Variants in TMEM144 observed in about 807,000 individuals in gnomAD.
TMEM144 encodes transmembrane protein 144.
In TMEM144, 39 loss-of-function variants were observed where a neutral mutation model predicts 43.6. The observed-to-expected ratio is 0.90, with a 90% confidence interval of 0.69 to 1.17. The LOEUF is 1.17. Among genes scored for constraint, TMEM144 ranks in the 50% most tolerant of loss-of-function variants. The probability of loss-of-function intolerance (pLI) is 0.00; values close to 1 mark genes in which losing one functional copy is unlikely to be tolerated. For synonymous variants in TMEM144, 154 were observed against 133.6 expected, an observed-to-expected ratio of 1.15 and a Z score of -1.06; for missense variants, 417 against 411.9, an observed-to-expected ratio of 1.01 and a Z score of -0.11.
chr4:158,210,546 C>CG lies in TMEM144; in HGVS notation c.-222dup, dbSNP rs1340061899. 6.6e-6 allele frequency: 1 copy of CG among 152,276 alleles called. No homozygotes were observed. The highest frequency in any genetic ancestry group is 1.5e-5 in the Non-Finnish European group (1 of 68,096). The allele number at this position is 152,276 out of a possible 1,614,324, so 9.4% of individuals were successfully genotyped here. A position where few individuals can be genotyped will look rare whatever the true frequency, so the allele number is the denominator to read the frequency against. ...GCACGTAGTGGGCGGATCGCGCCGG[C>CG]GCTGAGTAGGAAGGAGCTTCAGCCG... On this transcript the variant is annotated 5_prime_UTR_variant, in exon 1 of 13. It removes the in-frame stop codon of an upstream open reading frame in the 5' UTR. Transcript: ENST00000296529.
At chr4:158,216,964 C>T (rs145928064) in intron 4 of TMEM144, among the ~76,000 whole-genome samples, 330 of 152,184 alleles carry the variant, frequency 2.2e-3, no homozygotes, top group African/African-American at 7.5e-3. Context: ...GTACTTCTGC[C>T]AGTATTTGGC....
chr4:158,223,977 G>A (rs889712578), intron 6 of TMEM144, among the ~76,000 whole-genome samples: 7 of 152,174 alleles, frequency 4.6e-5, no homozygotes, highest in African/African-American at 1.7e-4. Context: ...AGATCCTTGA[G>A]GAATCACCAT....
intron 4 of TMEM144, among the ~76,000 whole-genome samples, chr4:158,216,915 A>G (rs1734250984): frequency 6.6e-6 from 1 of 152,140 alleles, no homozygotes; most frequent in Non-Finnish European, 1.5e-5. Context: ...CAAATCAGCA[A>G]TCATGGAAGA....
At chr4:158,213,229 C>A (rs563670208) in intron 3 of TMEM144, 10 of 168,172 alleles carry the variant, frequency 5.9e-5, no homozygotes, top group Non-Finnish European at 1.0e-4. Flanking sequence ...ACATAATGCA[C>A]GCAGACACAC....
chr4:158,230,767 A>C (rs1249646489), intron 6 of TMEM144, among the ~76,000 whole-genome samples: 1 of 152,046 alleles, frequency 6.6e-6, no homozygotes, highest in Non-Finnish European at 1.5e-5. Flanking sequence ...TGTGGTTTCT[A>C]CTGTAGGGGT....
chr4:158,230,203 C>A (rs1560829110), intron 6 of TMEM144, among the ~76,000 whole-genome samples: 2 of 152,212 alleles, frequency 1.3e-5, no homozygotes, highest in African/African-American at 4.8e-5. Context: ...CATGCTCACT[C>A]ACCAATTCCC....
At chr4:158,222,891 AATTACCT>A (rs1354217027) in intron 6 of TMEM144, among the ~76,000 whole-genome samples, 1 of 152,200 alleles carries the variant, frequency 6.6e-6, no homozygotes, top group Non-Finnish European at 1.5e-5. Context: ...TTTCCTTTTA[AATTACCT>A]ATGCCTTTGA....
At chr4:158,217,763 A>C (rs1041725636) in intron 5 of TMEM144, among the ~76,000 whole-genome samples, 5 of 152,136 alleles carry the variant, frequency 3.3e-5, no homozygotes, top group Admixed American at 2.6e-4. Context: ...TGAGGTAAGC[A>C]CTATCTTATA....
chr4:158,224,353 G>C (rs1426234667), intron 6 of TMEM144, among the ~76,000 whole-genome samples: 2 of 152,146 alleles, frequency 1.3e-5, no homozygotes, highest in South Asian at 2.1e-4. Flanking sequence ...CTCCCATTCT[G>C]TAGGTTGCCT....
chr4:158,239,951 T>G (rs191826647), intron 9 of TMEM144, among the ~76,000 whole-genome samples: 33 of 151,564 alleles, frequency 2.2e-4, no homozygotes, highest in African/African-American at 7.7e-4. Flanking sequence ...AGTGGCATGA[T>G]CTCTGCTCAC....
At chr4:158,226,908 A>G (rs1044378307) in intron 6 of TMEM144, among the ~76,000 whole-genome samples, 3 of 151,510 alleles carry the variant, frequency 2.0e-5, no homozygotes, top group Non-Finnish European at 4.4e-5. Context: ...TTTTCTTTTG[A>G]AGATGATAAC....
chr4:158,249,659 C>T (rs887316286), intron 12 of TMEM144, among the ~76,000 whole-genome samples: 2 of 152,108 alleles, frequency 1.3e-5, no homozygotes, highest in Non-Finnish European at 2.9e-5. Context: ...AATGTATTCA[C>T]GTAATTAGAT....
intron 5 of TMEM144, 45 bp downstream of exon 5, chr4:158,217,465 A>T: frequency 7.5e-7 from 1 of 1,340,226 alleles, no homozygotes; most frequent in Non-Finnish European, 1.1e-6. Flanking sequence ...CTGCATCCAT[A>T]TTCTATGTAA....
intron 6 of TMEM144, among the ~76,000 whole-genome samples, chr4:158,226,170 T>C (rs994870877): frequency 6.6e-6 from 1 of 152,246 alleles, no homozygotes; most frequent in African/African-American, 2.4e-5. Flanking sequence ...ACTTCTATGA[T>C]CCTCTAGTAA....
Position 158,253,650 on chromosome 4 carries a change from T to C in TMEM144, c.*123T>C, listed in dbSNP as rs1033588693. On this transcript the variant is annotated 3_prime_UTR_variant, in exon 13 of 13. Transcript: ENST00000296529. ...AAATGGATCTCAGCCACTGTTGGAG[T>C]GGGTAAATGATTTTTTTCCCCAAAA... 2 of 713,448 alleles carry C rather than the reference T, an allele frequency of 2.8e-6. No individual in the cohort carries two copies. The highest frequency in any genetic ancestry group is 4.6e-6 in the Non-Finnish European group (2 of 436,980). The allele number at this position is 713,448 out of a possible 1,614,324, so 44.2% of individuals were successfully genotyped here. A position where few individuals can be genotyped will look rare whatever the true frequency, so the allele number is the denominator to read the frequency against.
chr4:158,237,893 C>G (rs1735437690), intron 9 of TMEM144, among the ~76,000 whole-genome samples: 1 of 152,192 alleles, frequency 6.6e-6, no homozygotes, highest in Non-Finnish European at 1.5e-5. Context: ...TGGTTTCTGA[C>G]TTTCCAGTAA....
rs1736314581 is a variant in TMEM144, at chr4:158,253,461, A to G, written c.972A>G (p.Leu324=). Residue 324 remains leucine, a synonymous_variant, in exon 13 of 13, where the codon CTA becomes CTG. Transcript: ENST00000296529. Reference sequence around the variant, plus strand: ...TTATTCAGGGTCTACAAAACTACCTATTAATGATACTTGCATTTTGCATCA... The same window carrying G: ...TTATTCAGGGTCTACAAAACTACCTGTTAATGATACTTGCATTTTGCATCA... ...FKEIKGLQNY[L]LMILAFCIIL... 1 of 1,613,546 alleles carries G rather than the reference A, an allele frequency of 6.2e-7. No homozygotes were observed. Among genetic ancestry groups the G allele is most frequent in the Non-Finnish European group, 8.5e-7 (1 of 1,179,748 alleles).
At chr4:158,219,262 G>C in intron 5 of TMEM144, 48 bp from the exon 6 acceptor site, 1 of 1,593,910 alleles carries the variant, frequency 6.3e-7, no homozygotes, top group Non-Finnish European at 8.6e-7. Flanking sequence ...ACATTATGGT[G>C]AAACATCTTA....
intron 6 of TMEM144, among the ~76,000 whole-genome samples, chr4:158,231,095 G>A (rs1313651554): frequency 6.6e-6 from 1 of 152,148 alleles, no homozygotes; most frequent in Non-Finnish European, 1.5e-5. Flanking sequence ...TTGATATACA[G>A]CAGGACCCCT....
Sources: gnomAD v4.1 joint callset for allele counts (sites outside exome capture counted in the v4.1 genomes callset) on GRCh38, gnomAD v4.1.1 for gene constraint, MANE v1.5 for transcripts, NCBI Gene and HGNC (gene_info 2026-07-23, HGNC 2026-07-21) for gene names.